The following KCNK2 variants were observed in gnomAD, a reference collection of about 807,000 sequenced individuals.
The protein encoded by KCNK2 is potassium channel subfamily K member 2.
KCNK2 carries 21 observed loss-of-function variants against 40.5 expected under a neutral mutation model. The ratio of observed to expected loss-of-function variants is 0.52; its 90% CI spans 0.37 to 0.75. The LOEUF (loss-of-function observed/expected upper bound fraction) is 0.75. KCNK2 is among the 30% of genes least tolerant of loss of function. The pLI is 0.00. For synonymous variants in KCNK2, 191 were observed against 202.2 expected (o/e 0.94, Z 0.47); for missense variants, 399 against 531.6 (o/e 0.75, Z 2.45).
intron 5 of KCNK2, among the ~76,000 whole-genome samples, chr1:215,182,710 C>T (rs554719961): frequency 5.5e-4 from 84 of 152,292 alleles, no homozygotes; most frequent in Middle Eastern, 3.4e-3. Context: ...CTCTGGCCCA[C>T]GACTAAAATC....
At chr1:215,111,385 T>C (rs1043742398) in intron 2 of KCNK2, among the ~76,000 whole-genome samples, 20 of 152,242 alleles carry the variant, frequency 1.3e-4, no homozygotes, top group Non-Finnish European at 2.2e-4. Flanking sequence ...ATTTGTTGTA[T>C]ATATTCATTC....
At chr1:215,230,513 ATATATATATATATATATATG>A (rs1428120726) in intron 6 of KCNK2, among the ~76,000 whole-genome samples, 2 of 28,386 alleles carry the variant, frequency 7.0e-5, no homozygotes, top group Non-Finnish European at 1.6e-4. Context: ...GGCTGTATAT[ATATATATATATATATATATG>A]TATATATATA....
upstream of KCNK2, chr1:215,005,793 G>A (rs1656106331): frequency 3.8e-6 from 3 of 792,336 alleles, no homozygotes; most frequent in Admixed American, 4.2e-5. Context: ...CACACAAAAA[G>A]GAAACAGTAT....
chr1:215,125,991 G>A (rs1193152303), intron 3 of KCNK2, among the ~76,000 whole-genome samples: 1 of 151,842 alleles, frequency 6.6e-6, no homozygotes, highest in African/African-American at 2.4e-5. Flanking sequence ...ATACCTTTGT[G>A]AAGAGATTTT....
At chr1:215,074,621 A>G (rs1400438842) in intron 1 of KCNK2, among the ~76,000 whole-genome samples, 1 of 152,236 alleles carries the variant, frequency 6.6e-6, no homozygotes, top group Admixed American at 6.5e-5. Flanking sequence ...ATCAAGAAAC[A>G]CTGAGAATGC....
chr1:215,016,644 A>C (rs2102474494), intron 1 of KCNK2, among the ~76,000 whole-genome samples: 1 of 152,280 alleles, frequency 6.6e-6, no homozygotes, highest in Non-Finnish European at 1.5e-5. Context: ...CTGAAGTTGT[A>C]AAACCCCTGG....
intron 1 of KCNK2, among the ~76,000 whole-genome samples, chr1:215,033,196 T>C (rs1657264953): frequency 1.6e-5 from 1 of 63,862 alleles, no homozygotes; most frequent in Non-Finnish European, 3.4e-5. Context: ...TCTCTAGCAG[T>C]TTCTTTTCTT....
intron 1 of KCNK2, among the ~76,000 whole-genome samples, chr1:215,011,718 G>A (rs1656396409): frequency 6.6e-6 from 1 of 151,830 alleles, no homozygotes; most frequent in African/African-American, 2.4e-5. Flanking sequence ...TGATTCTCCC[G>A]CTTCAGCCTC....
chr1:215,012,094 A>G (rs1253318197), intron 1 of KCNK2, among the ~76,000 whole-genome samples: 1 of 152,142 alleles, frequency 6.6e-6, no homozygotes, highest in Non-Finnish European at 1.5e-5. Flanking sequence ...ATGATTAGGA[A>G]CAATGCTGCT....
intron 5 of KCNK2, among the ~76,000 whole-genome samples, chr1:215,192,393 T>C (rs1008487861): frequency 2.0e-5 from 3 of 152,204 alleles, no homozygotes; most frequent in African/African-American, 4.8e-5. Flanking sequence ...TTTACCCAAA[T>C]ATAGACCTTT....
At chr1:215,119,727 T>G (rs1337737261) in intron 2 of KCNK2, among the ~76,000 whole-genome samples, 1 of 152,194 alleles carries the variant, frequency 6.6e-6, no homozygotes, top group African/African-American at 2.4e-5. Flanking sequence ...ACCATTCAAC[T>G]TATTCATAAG....
chr1:215,034,545 T>C (rs552655409), intron 1 of KCNK2, among the ~76,000 whole-genome samples: 1 of 151,964 alleles, frequency 6.6e-6, no homozygotes, highest in African/African-American at 2.4e-5. Context: ...ACCAGAGGGC[T>C]TGAAAGTTCT....
chr1:215,037,339 T>A (rs534442794), intron 1 of KCNK2, among the ~76,000 whole-genome samples: 124 of 152,064 alleles, frequency 8.2e-4, no homozygotes, highest in Non-Finnish European at 1.5e-3. Context: ...ACTGATAGAT[T>A]TTCAAATGTT....
chr1:215,152,027 A>G (rs761743672), intron 3 of KCNK2, among the ~76,000 whole-genome samples: 67 of 152,070 alleles, frequency 4.4e-4, no homozygotes, highest in Non-Finnish European at 9.3e-4. Flanking sequence ...GTTGAGTAGG[A>G]TGGCTTTTGT....
intron 2 of KCNK2, among the ~76,000 whole-genome samples, chr1:215,090,525 A>G (rs1381043446): frequency 6.6e-6 from 1 of 152,192 alleles, no homozygotes; most frequent in Non-Finnish European, 1.5e-5. Flanking sequence ...TATAAACTGA[A>G]TCTTAATATT....
intron 2 of KCNK2, among the ~76,000 whole-genome samples, chr1:215,097,534 A>G (rs1389331014): frequency 6.6e-6 from 1 of 151,200 alleles, no homozygotes; most frequent in East Asian, 1.9e-4. Context: ...AAATTACATA[A>G]TTTTCTTGTC....
intron 5 of KCNK2, among the ~76,000 whole-genome samples, chr1:215,191,692 C>CT (rs200236928): frequency 1.3e-5 from 2 of 152,290 alleles, no homozygotes; most frequent in South Asian, 4.1e-4. Flanking sequence ...TACCTCCACA[C>CT]TTTTTTGTTA....
intron 1 of KCNK2, among the ~76,000 whole-genome samples, chr1:215,007,329 G>A (rs1382843252): frequency 6.7e-6 from 1 of 148,722 alleles, no homozygotes; most frequent in East Asian, 2.0e-4. Flanking sequence ...TTGATGGGTT[G>A]GACAAGACAC....
chr1:215,203,739 T>C (rs1056810071), intron 6 of KCNK2, among the ~76,000 whole-genome samples: 3 of 152,074 alleles, frequency 2.0e-5, no homozygotes, highest in Admixed American at 2.0e-4. Flanking sequence ...AAAATGAATA[T>C]AGAAATTTCA....
Sources: allele counts gnomAD v4.1 joint callset (sites outside exome capture counted in the v4.1 genomes callset), GRCh38; gene constraint gnomAD v4.1.1; transcripts MANE v1.5; gene names NCBI Gene and HGNC (gene_info 2026-07-23, HGNC 2026-07-21).